PTPRG: variants seen among roughly 807,000 people sequenced by gnomAD.
PTPRG encodes protein tyrosine phosphatase receptor type G.
A neutral mutation model predicts 165.3 loss-of-function variants in PTPRG; 102 were observed. The ratio of observed to expected loss-of-function variants is 0.62; its 90% CI spans 0.53 to 0.73. The LOEUF is 0.73. PTPRG is among the 30% of genes least tolerant of loss of function. PTPRG has a pLI of 0.00. For missense variants in PTPRG, 1,866 were observed against 1,861.4 expected, an observed-to-expected ratio of 1.00 and a Z score of -0.05; for synonymous variants, 675 against 669.5, an observed-to-expected ratio of 1.01 and a Z score of -0.13.
At chr3:61,914,959 G>T (rs372921208) in intron 2 of PTPRG, among the ~76,000 whole-genome samples, 1 of 152,166 alleles carries the variant, frequency 6.6e-6, no homozygotes, top group African/African-American at 2.4e-5. Context: ...GGCTGGGTGC[G>T]GTGACTCACG....
intron 2 of PTPRG, among the ~76,000 whole-genome samples, chr3:61,895,095 T>TCA: frequency 6.6e-6 from 1 of 152,296 alleles, no homozygotes; most frequent in Middle Eastern, 3.4e-3. Flanking sequence ...CTGATGAGAA[T>TCA]CACTCCTCAG....
chr3:61,887,813 A>G (rs959837174), intron 2 of PTPRG, among the ~76,000 whole-genome samples: 1 of 152,192 alleles, frequency 6.6e-6, no homozygotes, highest in Non-Finnish European at 1.5e-5. Flanking sequence ...CTTTATTCTT[A>G]AAGAAAAATT....
At chr3:62,116,166 C>G (rs1451646004) in intron 5 of PTPRG, among the ~76,000 whole-genome samples, 1 of 151,996 alleles carries the variant, frequency 6.6e-6, no homozygotes, top group African/African-American at 2.4e-5. Flanking sequence ...GAAGGTCTGC[C>G]CAACTCTTAA....
At chr3:61,883,621 A>C (rs2037948327) in intron 2 of PTPRG, among the ~76,000 whole-genome samples, 1 of 152,238 alleles carries the variant, frequency 6.6e-6, no homozygotes, top group Admixed American at 6.5e-5. Flanking sequence ...ACAGGGCCAG[A>C]AATGAGATTA....
intron 3 of PTPRG, among the ~76,000 whole-genome samples, chr3:61,995,277 C>T (rs986674437): frequency 2.0e-5 from 3 of 151,830 alleles, no homozygotes; most frequent in Non-Finnish European, 2.9e-5. Context: ...TTAGTAGAAA[C>T]AGGGTTTCTC....
chr3:62,121,833 C>T (rs2106892848), intron 5 of PTPRG, among the ~76,000 whole-genome samples: 1 of 152,242 alleles, frequency 6.6e-6, no homozygotes, highest in East Asian at 1.9e-4. Flanking sequence ...AGAGTTGGCC[C>T]AGTGAGGAAA....
intron 1 of PTPRG, among the ~76,000 whole-genome samples, chr3:61,632,656 A>G (rs1292272607): frequency 6.6e-6 from 1 of 152,176 alleles, no homozygotes; most frequent in African/African-American, 2.4e-5. Context: ...AAGTTGTGAT[A>G]ATTTAGATAA....
intron 4 of PTPRG, among the ~76,000 whole-genome samples, chr3:62,004,047 C>T (rs553241374): frequency 6.6e-6 from 1 of 152,210 alleles, no homozygotes; most frequent in Non-Finnish European, 1.5e-5. Context: ...TCCTGCTGGA[C>T]AGAAGAAGGG....
intron 2 of PTPRG, among the ~76,000 whole-genome samples, chr3:61,804,679 C>CAA (rs201093675): frequency 0.013 from 1,518 of 115,324 alleles, 32 homozygotes; most frequent in African/African-American, 0.044. Context: ...TTTCTCTCTC[C>CAA]AAAAAAAAAA....
intron 5 of PTPRG, among the ~76,000 whole-genome samples, chr3:62,117,751 G>C (rs1343666564): frequency 1.3e-5 from 2 of 152,164 alleles, no homozygotes; most frequent in Non-Finnish European, 2.9e-5. Flanking sequence ...CACAGGGTTC[G>C]AGCATCTGAC....
chr3:61,937,972 G>A (rs143110891), intron 2 of PTPRG, among the ~76,000 whole-genome samples: 2 of 150,132 alleles, frequency 1.3e-5, no homozygotes, highest in African/African-American at 4.9e-5. Flanking sequence ...AATTATCTTA[G>A]AACAGAATTT....
intron 1 of PTPRG, among the ~76,000 whole-genome samples, chr3:61,704,365 T>C (rs1047289751): frequency 2.0e-5 from 3 of 152,146 alleles, no homozygotes; most frequent in African/African-American, 7.2e-5. Context: ...TTGCTGTGCA[T>C]TGTAGGGTGT....
At chr3:62,248,851 T>C (rs2106965030) in intron 15 of PTPRG, among the ~76,000 whole-genome samples, 2 of 152,290 alleles carry the variant, frequency 1.3e-5, no homozygotes, top group Admixed American at 1.3e-4. Context: ...CAGAAATGAT[T>C]CATGCCTTTC....
At chr3:62,107,249 T>G (rs1239575306) in intron 5 of PTPRG, among the ~76,000 whole-genome samples, 1 of 152,248 alleles carries the variant, frequency 6.6e-6, no homozygotes, top group Non-Finnish European at 1.5e-5. Flanking sequence ...TCCAGTGATC[T>G]ATATGGCAAA....
At chr3:62,257,048 T>C (rs930402610) in intron 16 of PTPRG, among the ~76,000 whole-genome samples, 8 of 152,200 alleles carry the variant, frequency 5.3e-5, no homozygotes, top group African/African-American at 1.9e-4. Flanking sequence ...AGGGCTGTTG[T>C]GATTTCACTG....
At chr3:61,992,609 T>C (rs1050527087) in intron 3 of PTPRG, among the ~76,000 whole-genome samples, 113 of 152,122 alleles carry the variant, frequency 7.4e-4, no homozygotes, top group African/African-American at 2.6e-3. Flanking sequence ...AACCTCCGCC[T>C]CCCGGGTTGA....
intron 2 of PTPRG, among the ~76,000 whole-genome samples, chr3:61,885,688 T>TCCC (rs1559669132): frequency 1.3e-4 from 14 of 107,500 alleles, no homozygotes; most frequent in African/African-American, 4.0e-4. Context: ...TCTCCTCTCC[T>TCCC]CTCCTCTCCT....
chr3:61,683,235 G>A (rs887480683), intron 1 of PTPRG, among the ~76,000 whole-genome samples: 1 of 152,200 alleles, frequency 6.6e-6, no homozygotes, highest in African/African-American at 2.4e-5. Flanking sequence ...AAGACAGCTG[G>A]GCTGATAATT....
At chr3:61,923,083 T>C (rs1055830569) in intron 2 of PTPRG, among the ~76,000 whole-genome samples, 4 of 152,182 alleles carry the variant, frequency 2.6e-5, no homozygotes, top group African/African-American at 9.7e-5. Context: ...TTTAACTCTT[T>C]TTACCCTGTT....
Sources: allele counts gnomAD v4.1 joint callset (sites outside exome capture counted in the v4.1 genomes callset), GRCh38; gene constraint gnomAD v4.1.1; transcripts MANE v1.5; gene names NCBI Gene and HGNC (gene_info 2026-07-23, HGNC 2026-07-21).